The following ANK3 variants were observed in gnomAD, a reference collection of about 807,000 sequenced individuals.
ANK3 encodes ankyrin 3.
In ANK3, 57 loss-of-function variants were observed where a neutral mutation model predicts 370.9. That is an observed-to-expected ratio of 0.15 (90% CI 0.12 to 0.19). The LOEUF (loss-of-function observed/expected upper bound fraction) is 0.19, where lower values mean the gene tolerates loss of function less well. Among genes scored for constraint, ANK3 ranks in the 10% least tolerant of loss-of-function variants. The probability of loss-of-function intolerance (pLI) is 1.00; values close to 1 mark genes in which losing one functional copy is unlikely to be tolerated. For missense variants in ANK3, 4,439 were observed against 5,302.1 expected, an observed-to-expected ratio of 0.84 and a Z score of 5.06; for synonymous variants, 1,929 against 1,946.3, an observed-to-expected ratio of 0.99 and a Z score of 0.23.
intron 16 of ANK3, among the ~76,000 whole-genome samples, chr10:60,187,180 A>T (rs1343489907): frequency 8.4e-6 from 1 of 119,464 alleles, no homozygotes; most frequent in South Asian, 2.5e-4. Context: ...TTTTTGAGAC[A>T]GAGTCTCACT....
chr10:60,506,035 C>T (rs73273142), intron 2 of ANK3, among the ~76,000 whole-genome samples: 4,171 of 151,974 alleles, frequency 0.027, 189 homozygotes, highest in African/African-American at 0.096. Context: ...CAATAAACCC[C>T]CCAAACCTAT....
At chr10:60,644,987 A>G (rs1310148073) in intron 1 of ANK3, among the ~76,000 whole-genome samples, 1 of 151,604 alleles carries the variant, frequency 6.6e-6, no homozygotes, top group Non-Finnish European at 1.5e-5. Context: ...TGTCGTCTAC[A>G]TGGTTGCTTA....
rs1230173769 is a variant in ANK3 at position 60,550,530 on chromosome 10, CTTCTT to C, written c.96+64651_96+64655del. ...ATTTTTTAAATGGCTATATAAATTT[CTTCTT>C]TTATTTGTATTTTTCTGGTATTTTC... On this transcript the variant is annotated intron_variant, in intron 2 of 43. Coordinates refer to the ANK3 transcript ENST00000373827. Among the ~76,000 whole-genome samples the C allele has an allele frequency of 4.6e-5, 7 of 151,950 alleles. No homozygotes were observed. In the East Asian group the frequency reaches 1.4e-3, roughly 29 times the overall value.
intron 8 of ANK3, among the ~76,000 whole-genome samples, chr10:60,231,641 C>A (rs1032230085): frequency 6.6e-6 from 1 of 152,100 alleles, no homozygotes; most frequent in Non-Finnish European, 1.5e-5. Context: ...ACCCACACAC[C>A]CAATCACTAC....
At chr10:60,643,506 ATCT>A (rs2078664933) in intron 1 of ANK3, among the ~76,000 whole-genome samples, 1 of 59,584 alleles carries the variant, frequency 1.7e-5, no homozygotes, top group African/African-American at 6.8e-5. Flanking sequence ...CTTTATATCT[ATCT>A]ATCTATCTAT....
chr10:60,699,783 T>C (rs2079521649), intron 1 of ANK3, among the ~76,000 whole-genome samples: 1 of 152,138 alleles, frequency 6.6e-6, no homozygotes, highest in Admixed American at 6.5e-5. Context: ...GGTCTTAAAT[T>C]GTTACTTTAT....
In ANK3 at chr10:60,370,217, C is replaced by T. The variant is rs533377076; in HGVS notation, c.114+19208G>A. Among the ~76,000 whole-genome samples, 3 of 152,206 alleles carry T rather than the reference C, an allele frequency of 2.0e-5. No homozygotes were observed. In the South Asian group the frequency reaches 6.2e-4, roughly 32 times the overall value. On this transcript the variant is annotated intron_variant, in intron 1 of 43. Transcript: ENST00000280772. Reference sequence around the variant, plus strand: ...TTCTTACATCTAAGTGTAATCGTGCCTATTTTTGTTAACAAAAAGATTTGA... The same window carrying T: ...TTCTTACATCTAAGTGTAATCGTGCTTATTTTTGTTAACAAAAAGATTTGA...
In ANK3 at chr10:60,102,958, AT is replaced by A. The variant is rs780202925; in HGVS notation, c.3328+2946del. Among the ~76,000 whole-genome samples the A allele has an allele frequency of 2.8e-4, 42 of 148,598 alleles. No homozygotes were observed. The Middle Eastern group carries it at 0.014, about 50-fold the overall frequency. ...ATATTAAATAATGGTAAGACAATTT[AT>A]TTTTTTTTTTCTGAGACAAAGTCTT... is the stretch of plus-strand genomic sequence containing the variant. On this transcript the variant is annotated intron_variant, in intron 28 of 43. Transcript: ENST00000280772.
intron 2 of ANK3, among the ~76,000 whole-genome samples, chr10:60,560,480 G>C (rs374527872): frequency 2.0e-5 from 3 of 152,302 alleles, no homozygotes; most frequent in African/African-American, 7.2e-5. Flanking sequence ...CATATTGCTA[G>C]TCTAACTTTA....
intron 2 of ANK3, among the ~76,000 whole-genome samples, chr10:60,519,040 G>A (rs2076288748): frequency 1.3e-5 from 2 of 152,118 alleles, no homozygotes; most frequent in African/African-American, 4.8e-5. Flanking sequence ...AGCCTTTTCT[G>A]TAGATGCTGG....
chr10:60,206,006 G>A (rs975409241), intron 10 of ANK3, 116 bp from the exon 11 acceptor site: 1 of 715,096 alleles, frequency 1.4e-6, no homozygotes, highest in Non-Finnish European at 2.5e-6. Context: ...TGAACAGAAA[G>A]TACCAGGGTT....
chr10:60,602,395 C>T (rs757244936), intron 2 of ANK3, among the ~76,000 whole-genome samples: 22 of 152,100 alleles, frequency 1.4e-4, no homozygotes, highest in Non-Finnish European at 2.9e-4. Context: ...GATAACTAGG[C>T]CACATGGAAA....
chr10:60,143,588 AAG>A (rs991905946), intron 23 of ANK3, among the ~76,000 whole-genome samples: 1 of 152,234 alleles, frequency 6.6e-6, no homozygotes, highest in African/African-American at 2.4e-5. Context: ...GCAGTGAAAT[AAG>A]AGCTGTGTTA....
chr10:60,686,201 G>A (rs1293865433), intron 1 of ANK3, among the ~76,000 whole-genome samples: 1 of 152,112 alleles, frequency 6.6e-6, no homozygotes, highest in East Asian at 1.9e-4. Flanking sequence ...AATACAAAGA[G>A]CCTTACAGGA....
At chr10:60,227,711 G>A (rs1229241288) in intron 8 of ANK3, among the ~76,000 whole-genome samples, 1 of 151,904 alleles carries the variant, frequency 6.6e-6, no homozygotes, top group African/African-American at 2.4e-5. Flanking sequence ...TTTATCCCAT[G>A]TAATGATTTT....
intron 2 of ANK3, among the ~76,000 whole-genome samples, chr10:60,408,697 C>T (rs1477931372): frequency 1.3e-5 from 2 of 152,194 alleles, no homozygotes; most frequent in Non-Finnish European, 2.9e-5. Flanking sequence ...AATCTCTTTA[C>T]TCCTTTGGGG....
chr10:60,256,051 T>C (rs760616410), intron 7 of ANK3, among the ~76,000 whole-genome samples: 2 of 152,224 alleles, frequency 1.3e-5, no homozygotes, highest in Non-Finnish European at 1.5e-5. Flanking sequence ...GCACAGCCTG[T>C]GGTCTTTGGG....
intron 2 of ANK3, among the ~76,000 whole-genome samples, chr10:60,497,745 G>T (rs140919689): frequency 1.3e-5 from 2 of 151,964 alleles, no homozygotes; most frequent in Non-Finnish European, 1.5e-5. Context: ...GATCCCCTTC[G>T]CAGTTTTAAA....
intron 7 of ANK3, among the ~76,000 whole-genome samples, chr10:60,252,954 C>A (rs1336175399): frequency 6.6e-6 from 1 of 152,202 alleles, no homozygotes; most frequent in Non-Finnish European, 1.5e-5. Flanking sequence ...GGGCCAGGCA[C>A]TGTGTTAAGC....
Sources: gnomAD v4.1 joint callset for allele counts (sites outside exome capture counted in the v4.1 genomes callset) on GRCh38, gnomAD v4.1.1 for gene constraint, MANE v1.5 for transcripts, NCBI Gene and HGNC (gene_info 2026-07-23, HGNC 2026-07-21) for gene names.